The following DOP1B variants were observed in gnomAD, a reference collection of about 807,000 sequenced individuals.
DOP1B encodes the protein DOP1 leucine zipper like protein B.
DOP1B carries 174 observed loss-of-function variants against 233.5 expected under a neutral mutation model. The observed-to-expected ratio is 0.75, with a 90% CI of 0.66 to 0.85. The LOEUF is 0.85. DOP1B is among the 40% of genes least tolerant of loss of function. The pLI is 0.00. For missense variants in DOP1B, 2,652 were observed against 2,846.6 expected, an observed-to-expected ratio of 0.93 and a Z score of 1.56; for synonymous variants, 1,190 against 1,185.6, an observed-to-expected ratio of 1.00 and a Z score of -0.08.
rs78154894 is a variant in DOP1B, at chr21:36,242,151, C to CATTATTATTATTATTATT, written c.3067+2218_3067+2235dup. Among the ~76,000 whole-genome samples the CATTATTATTATTATTATT allele has an allele frequency of 5.0e-3, 713 of 143,962 alleles. 9 individuals carry two copies. The highest frequency in any genetic ancestry group is 0.011 in the African/African-American group (420 of 38,960). 94.4% of individuals were successfully genotyped at this position (143,962 alleles called of 152,430 possible). ...AGCTCTATCTCCACAGTTCCTTGGGCATTATTATTATTATTATTATTATTA... is the reference window on the plus strand; with the variant it reads ...AGCTCTATCTCCACAGTTCCTTGGGCATTATTATTATTATTATTATTATTATTATTATTATTATTATTA... On this transcript the variant is annotated intron_variant, in intron 18 of 36. Coordinates refer to ENST00000691173, the MANE Select transcript of DOP1B (RefSeq NM_001320714.2).
intron 2 of DOP1B, among the ~76,000 whole-genome samples, chr21:36,165,863 C>T (rs540655845): frequency 4.0e-5 from 6 of 151,794 alleles, no homozygotes; most frequent in African/African-American, 7.2e-5. Flanking sequence ...ATTACAGGCA[C>T]GTGCCACCAC....
At position 36,293,636 on chromosome 21, in the gene DOP1B, A is replaced by G. The variant is rs2067584129; in HGVS notation, c.*65A>G. ...TTTACTGAAAACCAGGTTATATTCTAAAGAAGAAAGAAGGCAGGATAGTGC... is the reference window on the plus strand; with the variant it reads ...TTTACTGAAAACCAGGTTATATTCTGAAGAAGAAAGAAGGCAGGATAGTGC... On this transcript the variant is annotated 3_prime_UTR_variant, in exon 37 of 37. Coordinates refer to ENST00000691173, the MANE Select transcript of DOP1B (RefSeq NM_001320714.2). 1 of 1,515,548 alleles carries G rather than the reference A, an allele frequency of 6.6e-7. No individual in the cohort carries two copies. The highest frequency in any genetic ancestry group is 9.1e-7 in the Non-Finnish European group (1 of 1,104,436). The allele number at this position is 1,515,548 out of a possible 1,614,324, so 93.9% of individuals were successfully genotyped here.
chr21:36,293,420 C>T lies in DOP1B; in HGVS notation c.6746C>T (p.Thr2249Ile). 1.2e-6 allele frequency: 2 copies of T among 1,614,206 alleles called. No homozygotes were observed. Among genetic ancestry groups the T allele is most frequent in the Non-Finnish European group, 1.7e-6 (2 of 1,180,038 alleles). The stretch of plus-strand genomic sequence containing the variant: ...AGGCAGTTGATGCCATTCTTCATGA[C>T]TCTAAATGGTGCATTTAAGACCCAG... ...SIRQLMPFFM[T>I]LNGAFKTQRQ... is the part of the protein sequence containing the mutation. The change falls in exon 37 of 37, where the codon ACT becomes ATT. Residue 2249 changes from threonine (T) to isoleucine (I), a missense_variant. This residue lies in a region of DOP1B where 2,617 missense variants were observed against 2,794.3 expected (regional missense o/e 0.94). Coordinates refer to ENST00000691173, the MANE Select transcript of DOP1B (RefSeq NM_001320714.2).
At chr21:36,289,274 C>A in intron 35 of DOP1B, 68 bp downstream of exon 35, 1 of 1,520,050 alleles carries the variant, frequency 6.6e-7, no homozygotes, top group South Asian at 1.2e-5. Flanking sequence ...TAAGCACTTT[C>A]ACTTGTTTTT....
intron 35 of DOP1B, among the ~76,000 whole-genome samples, chr21:36,290,265 G>A (rs1195214104): frequency 6.6e-6 from 1 of 152,334 alleles, no homozygotes; most frequent in African/African-American, 2.4e-5. Context: ...TGTCTCATAC[G>A]TGTAATACTA....
intron 10 of DOP1B, among the ~76,000 whole-genome samples, chr21:36,221,015 TGC>T (rs1486119825): frequency 1.3e-5 from 2 of 152,074 alleles, no homozygotes; most frequent in Non-Finnish European, 2.9e-5. Context: ...CTTGCTATGT[TGC>T]ACAGGCTGGT....
At chr21:36,197,901 C>T (rs923990930) in intron 2 of DOP1B, among the ~76,000 whole-genome samples, 1 of 151,874 alleles carries the variant, frequency 6.6e-6, no homozygotes, top group African/African-American at 2.4e-5. Context: ...ATCCCAGCTA[C>T]TCAGGAGGCT....
chr21:36,193,348 T>C (rs1036214989), intron 2 of DOP1B, among the ~76,000 whole-genome samples: 6 of 152,164 alleles, frequency 3.9e-5, no homozygotes, highest in South Asian at 2.1e-4. Flanking sequence ...ATGCGGGCTG[T>C]GATGATTCAG....
At chr21:36,226,084 G>T (rs1056772486) in intron 12 of DOP1B, among the ~76,000 whole-genome samples, 9 of 152,178 alleles carry the variant, frequency 5.9e-5, no homozygotes, top group African/African-American at 2.2e-4. Flanking sequence ...CCACTTGCAA[G>T]GAGAGGAGTA....
rs563900749 is a variant in DOP1B at position 36,292,000 on chromosome 21, A to G, written c.6516-104A>G. The G allele has an allele frequency of 1.9e-5, 25 of 1,324,316 alleles. No homozygotes were observed. In the South Asian group the frequency reaches 2.9e-4, roughly 16 times the overall value. 82.0% of individuals were successfully genotyped at this position (1,324,316 alleles called of 1,614,324 possible). On this transcript the variant is annotated intron_variant, in intron 35 of 36. Transcript: ENST00000691173. ...TATAATAAAAGGCATTGAGTTGTCC[A>G]TATTAAATAGATACAGTATGTGAAT...
intron 1 of DOP1B, among the ~76,000 whole-genome samples, chr21:36,162,362 T>C (rs1457315004): frequency 2.0e-5 from 3 of 152,140 alleles, no homozygotes; most frequent in Non-Finnish European, 4.4e-5. Flanking sequence ...ACCCTGCTAA[T>C]TTTTGTATTG....
chr21:36,158,763 A>C (rs1183770517), intron 1 of DOP1B, among the ~76,000 whole-genome samples: 1 of 147,630 alleles, frequency 6.8e-6, no homozygotes, highest in Admixed American at 7.0e-5. Context: ...AAATGGCGCC[A>C]CTGCACTCCA....
intron 2 of DOP1B, among the ~76,000 whole-genome samples, chr21:36,184,441 C>T (rs2066139411): frequency 2.0e-5 from 3 of 152,302 alleles, no homozygotes; most frequent in South Asian, 4.1e-4. Flanking sequence ...ACCTCGGCCT[C>T]CCAGAGTGCT....
At chr21:36,220,510 G>T (rs530542004) in intron 10 of DOP1B, among the ~76,000 whole-genome samples, 5 of 151,930 alleles carry the variant, frequency 3.3e-5, no homozygotes, top group African/African-American at 1.2e-4. Context: ...TTTTCTTGTT[G>T]GTTTGTTTGT....
chr21:36,167,162 C>A (rs35433179), intron 2 of DOP1B, among the ~76,000 whole-genome samples: 55,010 of 151,946 alleles, frequency 0.36, 11,063 homozygotes, highest in Non-Finnish European at 0.45. Flanking sequence ...CTAAGAACAG[C>A]CTACTTTTTC....
rs915141630 is a variant in DOP1B, at chr21:36,176,860, CCAGG to C, written c.138+11991_138+11994del. Among the ~76,000 whole-genome samples the C allele has an allele frequency of 1.8e-4, 28 of 152,202 alleles. 1 individual carries two copies. Among genetic ancestry groups the C allele is most frequent in the African/African-American group, 6.5e-4 (27 of 41,514 alleles). Reference sequence around the variant, plus strand: ...TTGAGACAGAGTCTCACTCTGTCACCCAGGCTGGAGTGCAGTGACCCAATCTTGG... The same window carrying C: ...TTGAGACAGAGTCTCACTCTGTCACCCTGGAGTGCAGTGACCCAATCTTGG... On this transcript the variant is annotated intron_variant, in intron 2 of 36. Coordinates refer to ENST00000691173, the MANE Select transcript of DOP1B (RefSeq NM_001320714.2).
intron 15 of DOP1B, among the ~76,000 whole-genome samples, chr21:36,235,589 A>C (rs1451128315): frequency 2.0e-5 from 3 of 151,936 alleles, no homozygotes; most frequent in African/African-American, 4.8e-5. Context: ...TTAACCTGGC[A>C]TGGTGGCACA....
intron 5 of DOP1B, among the ~76,000 whole-genome samples, chr21:36,210,942 C>T (rs1033753976): frequency 2.0e-5 from 3 of 152,252 alleles, no homozygotes; most frequent in Admixed American, 2.0e-4. Context: ...CGCTCCCACA[C>T]GACTGCCACA....
In DOP1B at chr21:36,245,498, G is replaced by A; in HGVS notation, c.3518G>A (p.Gly1173Glu). The change falls in exon 19 of 37, where the codon GGG (glycine) becomes GAG (glutamate). Residue 1173 changes from glycine to glutamate, a missense_variant. This residue lies in a region of DOP1B where 2,617 missense variants were observed against 2,794.3 expected (regional missense o/e 0.94). Transcript: ENST00000691173. This position sits in a 1 kb window ranked among gnomAD's most constrained non-coding sequence, Gnocchi z 5.5. Reference protein sequence around the residue: ...AAFQSESFKAGAKLSLVRVDS... With the variant: ...AAFQSESFKAEAKLSLVRVDS... ...TTCCAGTCAGAAAGCTTCAAGGCTG[G>A]GGCCAAGTTAAGCCTGGTGCGGGTG... is the stretch of plus-strand genomic sequence containing the variant. 1.2e-6 allele frequency: 2 copies of A among 1,613,688 alleles called. No individual in the cohort carries two copies. The highest frequency in any genetic ancestry group is 1.7e-6 in the Non-Finnish European group (2 of 1,180,040).
Sources: allele counts gnomAD v4.1 joint callset (sites outside exome capture counted in the v4.1 genomes callset), GRCh38; gene constraint gnomAD v4.1.1; regional missense constraint gnomAD v4.1.1; non-coding constraint Gnocchi (gnomAD v3.1); transcripts MANE v1.5; gene names NCBI Gene and HGNC (gene_info 2026-07-23, HGNC 2026-07-21).